Variants in FNDC3A observed in about 807,000 individuals in gnomAD.
The protein encoded by FNDC3A is fibronectin type-III domain-containing protein 3A.
FNDC3A carries 32 observed loss-of-function variants against 148.9 expected under a neutral mutation model. The observed-to-expected ratio is 0.21, with a 90% CI of 0.16 to 0.29. The LOEUF (loss-of-function observed/expected upper bound fraction) is 0.29, where lower values mean the gene tolerates loss of function less well. Among genes scored for constraint, FNDC3A ranks in the 10% least tolerant of loss-of-function variants. FNDC3A has a pLI of 1.00. For missense variants in FNDC3A, 1,191 were observed against 1,452.8 expected (o/e 0.82, Z 2.93); for synonymous variants, 472 against 473.6 (o/e 1.00, Z 0.04).
chr13:49,188,824 G>A (rs1426091363), intron 17 of FNDC3A, among the ~76,000 whole-genome samples, 191 bp downstream of exon 17: 1 of 152,204 alleles, frequency 6.6e-6, no homozygotes, highest in Non-Finnish European at 1.5e-5. Context: ...AGTATTCAGT[G>A]TGTGTCTGTT....
chr13:49,204,872 G>A (rs1277364135), intron 25 of FNDC3A, among the ~76,000 whole-genome samples: 1 of 152,092 alleles, frequency 6.6e-6, no homozygotes, highest in African/African-American at 2.4e-5. Flanking sequence ...TTCCCTCCCA[G>A]TATCTCCTCT....
intron 7 of FNDC3A, among the ~76,000 whole-genome samples, chr13:49,140,352 A>G (rs1882619650): frequency 6.6e-6 from 1 of 152,106 alleles, no homozygotes; most frequent in African/African-American, 2.4e-5. Flanking sequence ...AAATAAATAT[A>G]TATATAATTT....
Position 49,145,715 on chromosome 13 carries a change from T to A in FNDC3A, c.820-63T>A. ...TTAATCTTGAAACCTCATTAGATATTTCACTGCTCATTGTATACATTACAG... is the reference window on the plus strand; with the variant it reads ...TTAATCTTGAAACCTCATTAGATATATCACTGCTCATTGTATACATTACAG... On this transcript the variant is annotated intron_variant, in intron 7 of 25. Coordinates refer to ENST00000492622, the MANE Select transcript of FNDC3A (RefSeq NM_001079673.2). 4 of 1,312,180 alleles carry A rather than the reference T, an allele frequency of 3.0e-6. No individual in the cohort carries two copies. The South Asian group carries it at 3.8e-5, about 12-fold the overall frequency. 81.3% of individuals were successfully genotyped at this position (1,312,180 alleles called of 1,614,324 possible).
intron 1 of FNDC3A, among the ~76,000 whole-genome samples, chr13:48,978,073 TA>T (rs896565122): frequency 1.8e-4 from 27 of 151,868 alleles, no homozygotes; most frequent in African/African-American, 4.8e-4. Flanking sequence ...TAATAAGCAT[TA>T]AAAAAAACAT....
chr13:49,110,185 G>A (rs1195168867), intron 3 of FNDC3A: 1 of 461,352 alleles, frequency 2.2e-6, no homozygotes, highest in African/African-American at 2.0e-5. Context: ...TATCAGAAAT[G>A]CTGCAAGCGG....
At chr13:49,114,540 A>G in intron 3 of FNDC3A, 115 bp from the exon 4 acceptor site, 1 of 631,092 alleles carries the variant, frequency 1.6e-6, no homozygotes, top group Non-Finnish European at 2.9e-6. Flanking sequence ...ATAAAAATGT[A>G]GTTACTGTTG....
intron 23 of FNDC3A, among the ~76,000 whole-genome samples, chr13:49,199,108 C>A (rs1024675696): frequency 2.0e-5 from 3 of 152,086 alleles, no homozygotes; most frequent in African/African-American, 7.2e-5. Context: ...GCAACCTCTG[C>A]CTCCAGGGCT....
At chr13:49,194,641 AT>A (rs1012211069) in intron 19 of FNDC3A, among the ~76,000 whole-genome samples, 125 of 151,668 alleles carry the variant, frequency 8.2e-4, no homozygotes, top group African/African-American at 2.9e-3. Context: ...TAAACATTTG[AT>A]TTTTTTTTAA....
At chr13:49,201,766 T>G (rs372270384) in intron 23 of FNDC3A, 34 bp from the exon 24 acceptor site, 21 of 1,103,232 alleles carry the variant, frequency 1.9e-5, no homozygotes, top group Non-Finnish European at 2.4e-5. Context: ...CATAAGGTAG[T>G]ATAAGGTTTA....
chr13:49,133,766 G>A (rs945264178), intron 5 of FNDC3A, among the ~76,000 whole-genome samples: 1 of 152,178 alleles, frequency 6.6e-6, no homozygotes, highest in African/African-American at 2.4e-5. Flanking sequence ...CCGAGGCTCA[G>A]AAATGTTAAG....
At chr13:49,119,854 C>G in intron 4 of FNDC3A, among the ~76,000 whole-genome samples, 1 of 152,054 alleles carries the variant, frequency 6.6e-6, no homozygotes, top group South Asian at 2.1e-4. Flanking sequence ...AAGTCCAAAC[C>G]TATGTTTGAT....
chr13:49,164,807 C>T (rs973675042), intron 8 of FNDC3A, among the ~76,000 whole-genome samples: 5 of 152,128 alleles, frequency 3.3e-5, no homozygotes, highest in South Asian at 2.1e-4. Flanking sequence ...AATGGAGTTT[C>T]GCCTTGTTGG....
intron 3 of FNDC3A, among the ~76,000 whole-genome samples, chr13:49,086,868 A>G (rs563344261): frequency 4.4e-4 from 67 of 152,250 alleles, no homozygotes; most frequent in African/African-American, 1.5e-3. Context: ...TTGAAACATT[A>G]ATGAGTCATG....
chr13:49,109,095 T>C (rs1246831652), intron 3 of FNDC3A, among the ~76,000 whole-genome samples: 1 of 152,198 alleles, frequency 6.6e-6, no homozygotes, highest in Non-Finnish European at 1.5e-5. Context: ...TGCTTCAGTT[T>C]TCTTACCTGG....
At chr13:49,202,716 C>G (rs1477351824) in intron 24 of FNDC3A, among the ~76,000 whole-genome samples, 1 of 152,178 alleles carries the variant, frequency 6.6e-6, no homozygotes, top group African/African-American at 2.4e-5. Context: ...AGAGTGCTGA[C>G]TATAAGCAGG....
intron 2 of FNDC3A, among the ~76,000 whole-genome samples, chr13:49,030,568 A>G (rs994618859): frequency 9.2e-5 from 14 of 152,248 alleles, no homozygotes; most frequent in Admixed American, 5.2e-4. Flanking sequence ...TGGAAAAGGA[A>G]TAAAACTCTA....
At chr13:48,996,492 T>A (rs1952026588) in intron 1 of FNDC3A, among the ~76,000 whole-genome samples, 1 of 152,198 alleles carries the variant, frequency 6.6e-6, no homozygotes, top group Admixed American at 6.5e-5. Context: ...ACAGTGTCAC[T>A]ATTTACGTAG....
At chr13:49,115,189 G>A (rs1468293328) in intron 4 of FNDC3A, among the ~76,000 whole-genome samples, 6 of 127,886 alleles carry the variant, frequency 4.7e-5, no homozygotes, top group Admixed American at 4.5e-4. Flanking sequence ...GATGAGGGGG[G>A]GGGGGAAATA....
intron 3 of FNDC3A, among the ~76,000 whole-genome samples, chr13:49,100,038 T>G (rs1879766723): frequency 6.6e-6 from 1 of 152,108 alleles, no homozygotes; most frequent in African/African-American, 2.4e-5. Context: ...TTCAATTAAA[T>G]ACCAGTGATA....
Sources: gnomAD v4.1 joint callset for allele counts (sites outside exome capture counted in the v4.1 genomes callset) on GRCh38, gnomAD v4.1.1 for gene constraint, MANE v1.5 for transcripts, NCBI Gene and HGNC (gene_info 2026-07-23, HGNC 2026-07-21) for gene names.